INPP5A: variants seen among roughly 807,000 people sequenced by gnomAD.
The protein encoded by INPP5A is 43 kDa inositol polyphosphate 5-phophatase.
In INPP5A, 14 loss-of-function variants were observed where a neutral mutation model predicts 65.2. That is an observed-to-expected ratio of 0.21 (90% CI 0.14 to 0.34). INPP5A has a LOEUF of 0.34. Among genes scored for constraint, INPP5A ranks in the 10% least tolerant of loss-of-function variants. The pLI, the probability that INPP5A is intolerant of heterozygous loss-of-function variation, is 1.00. For missense variants in INPP5A, 431 were observed against 545.6 expected (o/e 0.79, Z 2.09); for synonymous variants, 207 against 208.3 (o/e 0.99, Z 0.05).
chr10:132,712,237 C>G (rs573823748), intron 8 of INPP5A, among the ~76,000 whole-genome samples: 145 of 151,592 alleles, frequency 9.6e-4, no homozygotes, highest in African/African-American at 3.4e-3. Flanking sequence ...GTGTGCACAC[C>G]TTGTGTGCAT....
intron 1 of INPP5A, among the ~76,000 whole-genome samples, chr10:132,584,245 T>G (rs1184520494): frequency 6.6e-6 from 1 of 152,242 alleles, no homozygotes; most frequent in East Asian, 1.9e-4. Flanking sequence ...CACCAACCAT[T>G]TGGAAAACAC....
At chr10:132,642,131 G>C (rs2072433978) in intron 2 of INPP5A, among the ~76,000 whole-genome samples, 1 of 152,214 alleles carries the variant, frequency 6.6e-6, no homozygotes, top group Non-Finnish European at 1.5e-5. Context: ...GGAACAGCCT[G>C]GAGCTCGTCT....
rs1373154896 is a variant in INPP5A, at chr10:132,697,782, G to A, written c.371-34G>A. ...GGCTGGTTGGATGGGGCACAGTGATGGGATAGTCACCTCGTCCTTCTGGTC... is the reference window on the plus strand; with the variant it reads ...GGCTGGTTGGATGGGGCACAGTGATAGGATAGTCACCTCGTCCTTCTGGTC... On this transcript the variant is annotated intron_variant, in intron 5 of 15. Coordinates refer to ENST00000368594, the MANE Select transcript of INPP5A (RefSeq NM_005539.5). The surrounding 1 kb of genome is among the most constrained non-coding windows in gnomAD (Gnocchi z 5.6). The A allele has an allele frequency of 7.0e-7, 1 of 1,433,588 alleles. No homozygotes were observed. Among genetic ancestry groups the A allele is most frequent in the South Asian group, 1.2e-5 (1 of 85,806 alleles). 88.8% of individuals were successfully genotyped at this position (1,433,588 alleles called of 1,614,324 possible).
Position 132,674,708 on chromosome 10 carries a change from C to G in INPP5A, c.307-15684C>G, listed in dbSNP as rs930519675. On this transcript the variant is annotated intron_variant, in intron 4 of 15. Coordinates refer to ENST00000368594, the MANE Select transcript of INPP5A (RefSeq NM_005539.5). This position sits in a 1 kb window ranked among gnomAD's most constrained non-coding sequence, Gnocchi z 4.4. Reference sequence around the variant, plus strand: ...CTGCTGTGCATGACCCACTTCATGGCTAGATGGGTCAGAAAGCACCCAGTT... The same window carrying G: ...CTGCTGTGCATGACCCACTTCATGGGTAGATGGGTCAGAAAGCACCCAGTT... Among the ~76,000 whole-genome samples, 1 of 152,126 alleles carries G rather than the reference C, an allele frequency of 6.6e-6. No homozygotes were observed. The highest frequency in any genetic ancestry group is 1.5e-5 in the Non-Finnish European group (1 of 68,000).
intron 3 of INPP5A, among the ~76,000 whole-genome samples, chr10:132,647,562 G>A (rs1162279058): frequency 2.6e-5 from 4 of 152,338 alleles, no homozygotes; most frequent in African/African-American, 9.6e-5. Context: ...CACCCAGCTC[G>A]ACCCCAAGGC....
chr10:132,711,789 C>G (rs184063642), intron 8 of INPP5A, among the ~76,000 whole-genome samples: 1 of 152,238 alleles, frequency 6.6e-6, no homozygotes, highest in Non-Finnish European at 1.5e-5. Flanking sequence ...CCACCACTGT[C>G]CCTGGGGCAG....
rs184326052 is a variant in INPP5A, at chr10:132,662,234, G to A, written c.306+11729G>A. ...GGAAATGTAAAACATGCGAAAACAT[G>A]GAGGTCTTAAAAAAAACGTTGAAAA... is the stretch of plus-strand genomic sequence containing the variant. On this transcript the variant is annotated intron_variant, in intron 4 of 15. Coordinates refer to ENST00000368594, the MANE Select transcript of INPP5A (RefSeq NM_005539.5). Among the ~76,000 whole-genome samples the A allele has an allele frequency of 2.2e-3, 339 of 152,260 alleles. 3 individuals carry two copies. The highest frequency in any genetic ancestry group is 2.0e-3 in the Non-Finnish European group (134 of 68,028).
At chr10:132,622,085 A>T (rs1472536986) in intron 2 of INPP5A, among the ~76,000 whole-genome samples, 1 of 152,260 alleles carries the variant, frequency 6.6e-6, no homozygotes, top group East Asian at 1.9e-4. Flanking sequence ...GTATGAAAAC[A>T]TCTTGTTTAC....
chr10:132,713,003 CATGTGTGCTGGGGTGTATGTATGT>C (rs1327178965), intron 8 of INPP5A, among the ~76,000 whole-genome samples: 2 of 147,062 alleles, frequency 1.4e-5, no homozygotes, highest in African/African-American at 2.5e-5. Flanking sequence ...AAGGTGTATG[CATGTGTGCTGGGGTGTATGTATGT>C]ATGTGTGCGT....
At chr10:132,766,430 T>A (rs1236016830) in intron 12 of INPP5A, among the ~76,000 whole-genome samples, 1 of 152,200 alleles carries the variant, frequency 6.6e-6, no homozygotes, top group African/African-American at 2.4e-5. Flanking sequence ...TGTGTCTATG[T>A]GGGTGTGGAT....
intron 1 of INPP5A, among the ~76,000 whole-genome samples, chr10:132,578,957 G>A (rs541884588): frequency 6.6e-6 from 1 of 152,306 alleles, no homozygotes; most frequent in Admixed American, 6.5e-5. Flanking sequence ...CACAGGCTCT[G>A]GGTTTAAGTG....
Position 132,553,033 on chromosome 10 carries a change from T to C in INPP5A, c.75+14862T>C, listed in dbSNP as rs567485583. Among the ~76,000 whole-genome samples, 227 of 103,368 alleles carry C rather than the reference T, an allele frequency of 2.2e-3. 1 individual carries two copies. Among genetic ancestry groups the C allele is most frequent in the South Asian group, 5.8e-3 (16 of 2,772 alleles). 67.8% of individuals were successfully genotyped at this position (103,368 alleles called of 152,430 possible). On this transcript the variant is annotated intron_variant, in intron 1 of 15. Transcript: ENST00000368594. ...TATTGGGTAGGATAGGGAGGGAGGA[T>C]TGGTGAACGCCTTCTCAGAGCCTTG...
chr10:132,539,065 C>T (rs951685977), intron 1 of INPP5A, among the ~76,000 whole-genome samples: 1 of 152,176 alleles, frequency 6.6e-6, no homozygotes, highest in Non-Finnish European at 1.5e-5. Context: ...GCCCCTTCCT[C>T]CAACAAGCTC....
chr10:132,591,496 T>A (rs374899842), intron 1 of INPP5A, among the ~76,000 whole-genome samples: 2 of 152,374 alleles, frequency 1.3e-5, no homozygotes, highest in East Asian at 3.9e-4. Context: ...AAGCTTTTGT[T>A]CGTTTCCTTC....
At chr10:132,690,249 G>T (rs1845236107) in intron 4 of INPP5A, 143 bp from the exon 5 acceptor site, 5 of 642,754 alleles carry the variant, frequency 7.8e-6, no homozygotes, top group Non-Finnish European at 1.4e-5. Context: ...CTGACATCCT[G>T]TGCCTCAGTA....
chr10:132,697,825 A>T lies in INPP5A; in HGVS notation c.380A>T (p.Tyr127Phe). Residue 127 changes from tyrosine (Y) to phenylalanine (F), a missense_variant, in exon 6 of 16, where the codon TAT (tyrosine) becomes TTT (phenylalanine). Transcript: ENST00000368594. This position sits in a 1 kb window ranked among gnomAD's most constrained non-coding sequence, Gnocchi z 5.6. ...IYQFDFKAKKYRKVAGKEIYS... is the reference protein window; with the variant it reads ...IYQFDFKAKKFRKVAGKEIYS... ...TTCTGGTCTCTTCCAGCTAAGAAGT[A>T]TAGAAAGGTCGCTGGCAAAGAGATC... The T allele has an allele frequency of 3.1e-6, 5 of 1,610,492 alleles. No homozygotes were observed. The highest frequency in any genetic ancestry group is 4.2e-6 in the Non-Finnish European group (5 of 1,177,338).
intron 2 of INPP5A, among the ~76,000 whole-genome samples, chr10:132,640,714 G>A (rs948613624): frequency 6.6e-6 from 1 of 152,262 alleles, no homozygotes; most frequent in African/African-American, 2.4e-5. Flanking sequence ...CGGAGCCCCT[G>A]CTGATATGCC....
chr10:132,749,673 C>G, intron 10 of INPP5A, 61 bp downstream of exon 10: 1 of 1,595,790 alleles, frequency 6.3e-7, no homozygotes, highest in Admixed American at 1.7e-5. Context: ...TCTGCAGCTT[C>G]CTTCAGAGCC....
Position 132,698,072 on chromosome 10 carries a change from C to T in INPP5A, c.474+153C>T, listed in dbSNP as rs1038305328. On this transcript the variant is annotated intron_variant, in intron 6 of 15. Coordinates refer to ENST00000368594, the MANE Select transcript of INPP5A (RefSeq NM_005539.5). The surrounding 1 kb of genome is among the most constrained non-coding windows in gnomAD (Gnocchi z 5.5). ...TCTGTCTTCCTGGGAGTCCAGGCTT[C>T]TGTGGTTGGTCTGGGCTGTCACACG... 6.6e-6 allele frequency among the ~76,000 whole-genome samples: 1 copy of T among 152,222 alleles called. No homozygotes were observed. The highest frequency in any genetic ancestry group is 2.4e-5 in the African/African-American group (1 of 41,458).
Sources: gnomAD v4.1 joint callset for allele counts (sites outside exome capture counted in the v4.1 genomes callset) on GRCh38, gnomAD v4.1.1 for gene constraint, Gnocchi (gnomAD v3.1) non-coding constraint, MANE v1.5 for transcripts, NCBI Gene and HGNC (gene_info 2026-07-23, HGNC 2026-07-21) for gene names.